DDX50: variants seen among roughly 807,000 people sequenced by gnomAD.
DDX50 encodes ATP-dependent RNA helicase DDX50.
Under a neutral mutation model 94.8 loss-of-function variants are expected in DDX50, and 56 were observed. The ratio of observed to expected loss-of-function variants is 0.59; its 90% confidence interval spans 0.48 to 0.74. The LOEUF is 0.74. Among genes scored for constraint, DDX50 ranks in the 30% least tolerant of loss-of-function variants. DDX50 has a pLI of 0.00. For synonymous variants in DDX50, 264 were observed against 295.4 expected (o/e 0.89, Z 1.09); for missense variants, 713 against 881.2 (o/e 0.81, Z 2.42).
chr10:68,933,244 A>G (rs575343602), intron 8 of DDX50, among the ~76,000 whole-genome samples: 158 of 151,992 alleles, frequency 1.0e-3, no homozygotes, highest in Middle Eastern at 3.4e-3. Flanking sequence ...AATTTTTTGT[A>G]TTTTTAGTAG....
In DDX50 at chr10:68,913,737, T is replaced by C. The variant is rs186604111; in HGVS notation, c.943+161T>C. Among the ~76,000 whole-genome samples, 6 of 152,368 alleles carry C rather than the reference T, an allele frequency of 3.9e-5. No homozygotes were observed. In the East Asian group the frequency reaches 1.2e-3, roughly 29 times the overall value. On this transcript the variant is annotated intron_variant, in intron 6 of 14. Coordinates refer to ENST00000373585, the MANE Select transcript of DDX50 (RefSeq NM_024045.2). ...CCTTGAAAAAGAAAGTATGATAGCA[T>C]CATTTTAACTATTTTCTTAGCTTTC...
chr10:68,918,366 A>AAC (rs768727154), intron 7 of DDX50, among the ~76,000 whole-genome samples: 3 of 151,958 alleles, frequency 2.0e-5, no homozygotes, highest in African/African-American at 4.8e-5. Context: ...TCTAGTTCCA[A>AAC]ACATTTTCAT....
At chr10:68,945,411 A>C (rs1164781875) in intron 14 of DDX50, among the ~76,000 whole-genome samples, 1 of 151,944 alleles carries the variant, frequency 6.6e-6, no homozygotes, top group African/African-American at 2.4e-5. Flanking sequence ...GGTTCAAGCA[A>C]TTCTCCTGCG....
At chr10:68,909,616 T>C (rs1337661128) in intron 2 of DDX50, among the ~76,000 whole-genome samples, 1 of 152,196 alleles carries the variant, frequency 6.6e-6, no homozygotes, top group African/African-American at 2.4e-5. Context: ...TGGCTTATGC[T>C]TGTAATCCCA....
chr10:68,905,073 C>T (rs1247019571), intron 1 of DDX50, among the ~76,000 whole-genome samples: 1 of 152,152 alleles, frequency 6.6e-6, no homozygotes, highest in African/African-American at 2.4e-5. Context: ...TGTACCACAA[C>T]ATGCAGCTAA....
At position 68,913,182 on chromosome 10, in the gene DDX50, A is replaced by G; in HGVS notation, c.660A>G (p.Thr220=). 1 of 1,609,656 alleles carries G rather than the reference A, an allele frequency of 6.2e-7. No homozygotes were observed. The highest frequency in any genetic ancestry group is 8.5e-7 in the Non-Finnish European group (1 of 1,179,020). The change falls in exon 5 of 15, where the codon ACA becomes ACG. Residue 220 remains threonine, a synonymous_variant. Coordinates refer to ENST00000373585, the MANE Select transcript of DDX50 (RefSeq NM_024045.2). Reference sequence around the variant, plus strand: ...CTCAGGTACTTGTTTTGGCTCCAACAAGGGAACTGGCAAACCAAGTAGCCA... The same window carrying G: ...CTCAGGTACTTGTTTTGGCTCCAACGAGGGAACTGGCAAACCAAGTAGCCA... ...RSPKVLVLAP[T]RELANQVAKD...
At chr10:68,920,719 G>A (rs545120856) in intron 8 of DDX50, among the ~76,000 whole-genome samples, 3 of 152,056 alleles carry the variant, frequency 2.0e-5, no homozygotes, top group South Asian at 4.2e-4. Context: ...GCTGAGGTGG[G>A]TGGATCGCCT....
intron 1 of DDX50, 105 bp from the exon 2 acceptor site, chr10:68,906,606 A>G: frequency 7.8e-7 from 1 of 1,279,000 alleles, no homozygotes; most frequent in Non-Finnish European, 1.1e-6. Context: ...TTTCAAAGTA[A>G]CTGTAGATTG....
At position 68,934,171 on chromosome 10, in the gene DDX50, C is replaced by T. The variant is rs1045292082; in HGVS notation, c.1240-28C>T. The T allele has an allele frequency of 6.2e-7, 1 of 1,605,210 alleles. No individual in the cohort carries two copies. Among genetic ancestry groups the T allele is most frequent in the Non-Finnish European group, 8.5e-7 (1 of 1,176,572 alleles). ...ATCAGTTGCAAGTATGAGCTGTACA[C>T]TTAATTTTCTCCCCCTTTCTCAAAT... is the stretch of plus-strand genomic sequence containing the variant. On this transcript the variant is annotated intron_variant, in intron 8 of 14. Coordinates refer to ENST00000373585, the MANE Select transcript of DDX50 (RefSeq NM_024045.2). This position sits in a 1 kb window ranked among gnomAD's most constrained non-coding sequence, Gnocchi z 4.0.
At position 68,934,474 on chromosome 10, in the gene DDX50, C is replaced by T. The variant is rs1842354967; in HGVS notation, c.1401+114C>T. 4 of 1,414,808 alleles carry T rather than the reference C, an allele frequency of 2.8e-6. No homozygotes were observed. Among genetic ancestry groups the T allele is most frequent in the South Asian group, 1.3e-5 (1 of 79,016 alleles). The allele number at this position is 1,414,808 out of a possible 1,614,324, so 87.6% of individuals were successfully genotyped here. On this transcript the variant is annotated intron_variant, in intron 9 of 14. Coordinates refer to ENST00000373585, the MANE Select transcript of DDX50 (RefSeq NM_024045.2). This position sits in a 1 kb window ranked among gnomAD's most constrained non-coding sequence, Gnocchi z 4.0. ...TATGTCATCTCTTCTTGCTCTTAGCCATTTTTTGTTAGTGTGCTATTAAAT... is the reference window on the plus strand; with the variant it reads ...TATGTCATCTCTTCTTGCTCTTAGCTATTTTTTGTTAGTGTGCTATTAAAT...
At chr10:68,917,223 G>A (rs376474743) in intron 7 of DDX50, among the ~76,000 whole-genome samples, 10 of 152,074 alleles carry the variant, frequency 6.6e-5, no homozygotes, top group African/African-American at 2.4e-4. Context: ...ACTTTGGGAG[G>A]ACGAGGATGG....
intron 11 of DDX50, among the ~76,000 whole-genome samples, chr10:68,936,719 T>G (rs2132058337): frequency 6.6e-6 from 1 of 151,178 alleles, no homozygotes; most frequent in South Asian, 2.1e-4. Context: ...CGTGCACCTG[T>G]AGTCCCAGCT....
At position 68,913,465 on chromosome 10, in the gene DDX50, C is replaced by T. The variant is rs747546202; in HGVS notation, c.832C>T (p.Arg278Ter). The T allele has an allele frequency of 1.9e-6, 3 of 1,613,954 alleles. No homozygotes were observed. Among genetic ancestry groups the T allele is most frequent in the African/African-American group, 1.3e-5 (1 of 74,964 alleles). ...GRIKDHLQSG[R>*]LDLSKLRHVV... ...TATCAAAGACCATCTGCAGAGTGGCCGATTGGATCTTTCTAAACTGCGACA... is the reference window on the plus strand; with the variant it reads ...TATCAAAGACCATCTGCAGAGTGGCTGATTGGATCTTTCTAAACTGCGACA... The change falls in exon 6 of 15, where the codon CGA becomes TGA. Residue 278 changes from arginine to a stop codon, truncating the protein, a stop_gained. Transcript: ENST00000373585. LOFTEE classifies it high-confidence loss of function.
chr10:68,941,591 G>A (rs540151453), intron 13 of DDX50, among the ~76,000 whole-genome samples: 71 of 152,104 alleles, frequency 4.7e-4, no homozygotes, highest in African/African-American at 1.7e-3. Context: ...CCAAAGTACT[G>A]GGATTATAGG....
intron 5 of DDX50, 42 bp from the exon 6 acceptor site, chr10:68,913,349 G>A: frequency 6.2e-7 from 1 of 1,602,838 alleles, no homozygotes; most frequent in Non-Finnish European, 8.5e-7. Flanking sequence ...TAATGTGAAA[G>A]TTTGAATTTT....
At position 68,934,088 on chromosome 10, in the gene DDX50, T is replaced by A; in HGVS notation, c.1240-111T>A. 9.3e-7 allele frequency: 1 copy of A among 1,078,230 alleles called. No homozygotes were observed. The highest frequency in any genetic ancestry group is 1.3e-6 in the Non-Finnish European group (1 of 788,396). The allele number at this position is 1,078,230 out of a possible 1,614,324, so 66.8% of individuals were successfully genotyped here. On this transcript the variant is annotated intron_variant, in intron 8 of 14. Transcript: ENST00000373585. This position sits in a 1 kb window ranked among gnomAD's most constrained non-coding sequence, Gnocchi z 4.0. ...TTACAGTAAGCATGCATTGTTAAAA[T>A]CATCAAAGTAAGATTTAAAAACATG...
At chr10:68,927,041 C>T (rs764000524) in intron 8 of DDX50, among the ~76,000 whole-genome samples, 2 of 151,922 alleles carry the variant, frequency 1.3e-5, no homozygotes, top group Non-Finnish European at 2.9e-5. Flanking sequence ...GCCTCCCAAC[C>T]AGCTGGGACT....
rs1477640496 is a variant in DDX50, at chr10:68,937,108, G to A, written c.1755+13G>A. 1.3e-6 allele frequency: 2 copies of A among 1,579,772 alleles called. No homozygotes were observed. Among genetic ancestry groups the A allele is most frequent in the Non-Finnish European group, 8.6e-7 (1 of 1,157,822 alleles). ...CACCTCTGATAAGGTAGAAATCTGT[G>A]AGAAAATTGTACATGAGTGGGAAAA... is the stretch of plus-strand genomic sequence containing the variant. On this transcript the variant is annotated intron_variant, in intron 12 of 14. Coordinates refer to ENST00000373585, the MANE Select transcript of DDX50 (RefSeq NM_024045.2).
chr10:68,917,854 C>G (rs892578098), intron 7 of DDX50, among the ~76,000 whole-genome samples: 1 of 152,232 alleles, frequency 6.6e-6, no homozygotes, highest in Admixed American at 6.5e-5. Context: ...CCACCTGCCT[C>G]CGGCTCCCAA....
Sources: allele counts gnomAD v4.1 joint callset (sites outside exome capture counted in the v4.1 genomes callset), GRCh38; gene constraint gnomAD v4.1.1; non-coding constraint Gnocchi (gnomAD v3.1); transcripts MANE v1.5; gene names NCBI Gene and HGNC (gene_info 2026-07-23, HGNC 2026-07-21).